Variants in NUBPL observed in about 807,000 individuals in gnomAD.
NUBPL encodes the protein NUBP iron-sulfur cluster assembly factor, mitochondrial.
In NUBPL, 31 loss-of-function variants were observed where a neutral mutation model predicts 45.7. The observed-to-expected ratio is 0.68, with a 90% confidence interval of 0.51 to 0.92. NUBPL has a LOEUF of 0.92. Among genes scored for constraint, NUBPL ranks in the 40% least tolerant of loss-of-function variants. NUBPL has a pLI of 0.00. For synonymous variants in NUBPL, 144 were observed against 140.9 expected, an observed-to-expected ratio of 1.02 and a Z score of -0.15; for missense variants, 401 against 398.7, an observed-to-expected ratio of 1.01 and a Z score of -0.05.
chr14:31,656,804 T>A (rs2036151453), intron 4 of NUBPL, among the ~76,000 whole-genome samples: 1 of 152,210 alleles, frequency 6.6e-6, no homozygotes, highest in African/African-American at 2.4e-5. Flanking sequence ...AGTGAGCACA[T>A]GCTATTGGAA....
chr14:31,700,140 T>A (rs112372537), intron 6 of NUBPL, among the ~76,000 whole-genome samples: 1,615 of 152,358 alleles, frequency 0.011, 24 homozygotes, highest in African/African-American at 0.037. Flanking sequence ...TGGGCTTAAT[T>A]ACATTTCACT....
At chr14:31,673,040 G>A (rs1208287256) in intron 4 of NUBPL, among the ~76,000 whole-genome samples, 4 of 152,146 alleles carry the variant, frequency 2.6e-5, no homozygotes, top group Non-Finnish European at 5.9e-5. Context: ...CTGTTGCGCA[G>A]CATGGTGACT....
At chr14:31,588,690 G>A (rs1227752251) in intron 3 of NUBPL, among the ~76,000 whole-genome samples, 2 of 151,892 alleles carry the variant, frequency 1.3e-5, no homozygotes, top group African/African-American at 4.8e-5. Context: ...GCCAAGGTGG[G>A]CAGATTACGA....
intron 6 of NUBPL, among the ~76,000 whole-genome samples, chr14:31,735,705 A>C (rs957205145): frequency 1.3e-5 from 2 of 152,100 alleles, no homozygotes; most frequent in African/African-American, 4.8e-5. Context: ...TATAAAAATT[A>C]GCCGGGCGTC....
chr14:31,780,418 T>G (rs1326139115), intron 6 of NUBPL, among the ~76,000 whole-genome samples: 1 of 152,094 alleles, frequency 6.6e-6, no homozygotes, highest in Admixed American at 6.6e-5. Context: ...ATAAGAATAC[T>G]CATTAATGGT....
chr14:31,841,044 T>C (rs74466632), intron 8 of NUBPL, among the ~76,000 whole-genome samples: 15,092 of 152,324 alleles, frequency 0.099, 966 homozygotes, highest in Non-Finnish European at 0.15. Context: ...TTCTTGTCAT[T>C]GCTCTGTAGC....
At chr14:31,718,033 C>CAATT (rs1357940850) in intron 6 of NUBPL, among the ~76,000 whole-genome samples, 2 of 152,164 alleles carry the variant, frequency 1.3e-5, no homozygotes, top group Non-Finnish European at 2.9e-5. Flanking sequence ...ACATCTAAGG[C>CAATT]AATTTATGGG....
intron 6 of NUBPL, among the ~76,000 whole-genome samples, chr14:31,777,392 A>G (rs1315635888): frequency 6.6e-6 from 1 of 152,186 alleles, no homozygotes; most frequent in Non-Finnish European, 1.5e-5. Flanking sequence ...GAGGCACTCA[A>G]ATGTGTGCTA....
chr14:31,859,242 A>G lies in NUBPL; in HGVS notation c.*62A>G, dbSNP rs2040674340. 1 of 1,236,208 alleles carries G rather than the reference A, an allele frequency of 8.1e-7. No individual in the cohort carries two copies. The highest frequency in any genetic ancestry group is 1.5e-5 in the African/African-American group (1 of 67,466). The allele number at this position is 1,236,208 out of a possible 1,614,324, so 76.6% of individuals were successfully genotyped here. On this transcript the variant is annotated 3_prime_UTR_variant, in exon 11 of 11. Transcript: ENST00000281081. ...ATTAAGAGGACCTTTGGAAATCAGCAATGTGGTGATGGAACCTACAGAAAT... is the reference window on the plus strand; with the variant it reads ...ATTAAGAGGACCTTTGGAAATCAGCGATGTGGTGATGGAACCTACAGAAAT...
At chr14:31,685,399 A>G (rs559197975) in intron 6 of NUBPL, among the ~76,000 whole-genome samples, 2 of 152,266 alleles carry the variant, frequency 1.3e-5, no homozygotes, top group Non-Finnish European at 1.5e-5. Flanking sequence ...ACCTATATAG[A>G]GAGTATTGTA....
rs138333095 is a variant in NUBPL, at chr14:31,805,073, C to CAA, written c.607+17208_607+17209dup. ...TAATATCCAGCATCTATTTACAAGA[C>CAA]AAAAAAAAACATTAAAAAGTGGGCA... On this transcript the variant is annotated intron_variant, in intron 7 of 10. Coordinates refer to ENST00000281081, the MANE Select transcript of NUBPL (RefSeq NM_025152.3). 2.0e-3 allele frequency among the ~76,000 whole-genome samples: 301 copies of CAA among 149,496 alleles called. 4 individuals are homozygous for CAA. The East Asian group carries it at 0.037, about 18-fold the overall frequency.
At position 31,715,905 on chromosome 14, in the gene NUBPL, A is replaced by G. The variant is rs545160551; in HGVS notation, c.513+42331A>G. On this transcript the variant is annotated intron_variant, in intron 6 of 10. Transcript: ENST00000281081. Reference sequence around the variant, plus strand: ...GTTGCAAAAAACGTTTTGACTCATAATATTTATACCACAAACACATTATAC... The same window carrying G: ...GTTGCAAAAAACGTTTTGACTCATAGTATTTATACCACAAACACATTATAC... Among the ~76,000 whole-genome samples, 15 of 148,564 alleles carry G rather than the reference A, an allele frequency of 1.0e-4. No homozygotes were observed. The South Asian group carries it at 2.9e-3, about 29-fold the overall frequency.
intron 6 of NUBPL, among the ~76,000 whole-genome samples, chr14:31,750,055 C>A (rs2038487165): frequency 6.6e-6 from 1 of 152,042 alleles, no homozygotes; most frequent in South Asian, 2.1e-4. Context: ...GTTTGGACCT[C>A]TTCTATGATA....
At chr14:31,664,954 G>A (rs998274002) in intron 4 of NUBPL, among the ~76,000 whole-genome samples, 1 of 152,060 alleles carries the variant, frequency 6.6e-6, no homozygotes, top group South Asian at 2.1e-4. Context: ...AGTCTTGGGA[G>A]GGTGTATGTG....
intron 4 of NUBPL, among the ~76,000 whole-genome samples, chr14:31,642,778 A>G (rs923471076): frequency 6.6e-6 from 1 of 151,908 alleles, no homozygotes; most frequent in African/African-American, 2.4e-5. Flanking sequence ...AATTCTTCCA[A>G]TTCATGAGCA....
Position 31,843,031 on chromosome 14 carries a change from G to T in NUBPL, c.694-3440G>T, listed in dbSNP as rs368349930. On this transcript the variant is annotated intron_variant, in intron 8 of 10. Transcript: ENST00000281081. ...AATTTCAGTGGCTTAAAACAGCACA[G>T]GTTTATTTGTCTCATGCTCTGTGTC... Among the ~76,000 whole-genome samples, 4 of 152,158 alleles carry T rather than the reference G, an allele frequency of 2.6e-5. No homozygotes were observed. In the East Asian group the frequency reaches 5.8e-4, roughly 22 times the overall value.
chr14:31,669,616 G>A (rs934286749), intron 4 of NUBPL, among the ~76,000 whole-genome samples: 2 of 151,566 alleles, frequency 1.3e-5, no homozygotes, highest in Admixed American at 6.6e-5. Context: ...TTCCTCCTCC[G>A]ATTTTCCCGT....
At chr14:31,636,124 T>G (rs1439678278) in intron 4 of NUBPL, among the ~76,000 whole-genome samples, 11 of 152,156 alleles carry the variant, frequency 7.2e-5, no homozygotes, top group Non-Finnish European at 1.5e-4. Flanking sequence ...CTTCCAACAC[T>G]ATGTTGAATA....
chr14:31,593,583 C>A (rs1256404070), intron 3 of NUBPL, among the ~76,000 whole-genome samples: 2 of 150,364 alleles, frequency 1.3e-5, no homozygotes, highest in East Asian at 2.0e-4. Flanking sequence ...GGAACCAATG[C>A]CCTGCAGATA....
Sources: gnomAD v4.1 joint callset for allele counts (sites outside exome capture counted in the v4.1 genomes callset) on GRCh38, gnomAD v4.1.1 for gene constraint, MANE v1.5 for transcripts, NCBI Gene and HGNC (gene_info 2026-07-23, HGNC 2026-07-21) for gene names.